TENM3: variants seen among roughly 807,000 people sequenced by gnomAD.
TENM3 encodes the protein teneurin-3.
Under a neutral mutation model 255.1 loss-of-function variants are expected in TENM3, and 63 were observed. That is an observed-to-expected ratio of 0.25 (90% confidence interval 0.20 to 0.30). The LOEUF (loss-of-function observed/expected upper bound fraction) is 0.30. Ranked by LOEUF, TENM3 falls within the 10% of genes least tolerant of loss-of-function variation. TENM3 has a pLI of 1.00. For missense variants in TENM3, 2,929 were observed against 3,461.1 expected, an observed-to-expected ratio of 0.85 and a Z score of 3.86; for synonymous variants, 1,306 against 1,322.3, an observed-to-expected ratio of 0.99 and a Z score of 0.27.
At chr4:181,888,494 G>GTACATATATATATA in the TENM3 span, among the ~76,000 whole-genome samples, 13 of 28,242 alleles carry the variant, frequency 4.6e-4, no homozygotes, top group Non-Finnish European at 7.2e-4. Context: ...ATAGAAATGT[G>GTACATATATATATA]TATATATATA....
At chr4:182,616,172 A>C (rs1749493060) in intron 4 of TENM3, among the ~76,000 whole-genome samples, 1 of 152,208 alleles carries the variant, frequency 6.6e-6, no homozygotes, top group Non-Finnish European at 1.5e-5. Context: ...GCAGTTCACA[A>C]GCCCTACCAA....
chr4:182,289,925 C>G (rs1761002025), intron 1 of TENM3, among the ~76,000 whole-genome samples: 1 of 152,190 alleles, frequency 6.6e-6, no homozygotes, highest in Non-Finnish European at 1.5e-5. Context: ...TTCCACCAAC[C>G]TGCCTTGCCA....
At chr4:181,977,740 A>G in the TENM3 span, among the ~76,000 whole-genome samples, 1 of 152,160 alleles carries the variant, frequency 6.6e-6, no homozygotes, top group Non-Finnish European at 1.5e-5. Flanking sequence ...CTAAGAAGAT[A>G]AAGGACTTTG....
At chr4:181,458,703 T>C in the TENM3 span, among the ~76,000 whole-genome samples, 1 of 151,988 alleles carries the variant, frequency 6.6e-6, no homozygotes, top group African/African-American at 2.4e-5. Context: ...TAATCTTCCA[T>C]AAAGATTTTC....
chr4:182,048,390 T>C, the TENM3 span, among the ~76,000 whole-genome samples: 16 of 152,322 alleles, frequency 1.1e-4, no homozygotes, highest in Admixed American at 8.5e-4. Context: ...ACCTCCTTAG[T>C]TCACCGATTT....
chr4:181,619,943 T>C, the TENM3 span, among the ~76,000 whole-genome samples: 1 of 152,196 alleles, frequency 6.6e-6, no homozygotes, highest in East Asian at 1.9e-4. Context: ...AACCTGGCAA[T>C]TGATTGGAGG....
intron 27 of TENM3, among the ~76,000 whole-genome samples, chr4:182,797,856 C>T (rs950300816): frequency 1.3e-5 from 2 of 152,154 alleles, no homozygotes; most frequent in Non-Finnish European, 2.9e-5. Context: ...AAGAGGCAGC[C>T]ATGGTTAACA....
the TENM3 span, among the ~76,000 whole-genome samples, chr4:182,044,624 G>A: frequency 1.3e-5 from 2 of 152,314 alleles, no homozygotes; most frequent in Admixed American, 1.3e-4. Flanking sequence ...TATGTGGTCT[G>A]TTTTCAAAAT....
intron 3 of TENM3, among the ~76,000 whole-genome samples, chr4:182,586,809 G>C (rs1746061985): frequency 6.6e-6 from 1 of 152,186 alleles, no homozygotes; most frequent in Non-Finnish European, 1.5e-5. Context: ...TTAAAAGACA[G>C]TAGGGACTCA....
chr4:182,644,502 TG>T (rs1752570779), intron 5 of TENM3, among the ~76,000 whole-genome samples: 1 of 152,116 alleles, frequency 6.6e-6, no homozygotes, highest in African/African-American at 2.4e-5. Context: ...TTTTATTTTA[TG>T]GGGAGGAGGT....
chr4:182,406,336 A>G (rs2151057731), intron 3 of TENM3, among the ~76,000 whole-genome samples: 1 of 152,256 alleles, frequency 6.6e-6, no homozygotes, highest in African/African-American at 2.4e-5. Flanking sequence ...ATAAAAAATA[A>G]GGCTTTTGCA....
rs1362907732 is a variant in TENM3, at chr4:182,202,524, C to G, written c.-76+57770C>G. Among the ~76,000 whole-genome samples the G allele has an allele frequency of 2.6e-5, 4 of 152,016 alleles. No homozygotes were observed. The East Asian group carries it at 7.8e-4, about 30-fold the overall frequency. On this transcript the variant is annotated intron_variant, in intron 1 of 2. Coordinates refer to the TENM3 transcript ENST00000512480. Reference sequence around the variant, plus strand: ...TTCTCCATGTTGGTCAGGCTGGTCTCGAACTCCTGACCTCAGGTCATCCAC... The same window carrying G: ...TTCTCCATGTTGGTCAGGCTGGTCTGGAACTCCTGACCTCAGGTCATCCAC...
intron 1 of TENM3, among the ~76,000 whole-genome samples, chr4:182,288,565 GGATA>G (rs1388097812): frequency 6.6e-6 from 1 of 152,198 alleles, no homozygotes; most frequent in African/African-American, 2.4e-5. Context: ...ATGAGTGGAT[GGATA>G]GATTTATTCA....
chr4:182,249,714 C>T (rs1469554892), intron 1 of TENM3, among the ~76,000 whole-genome samples: 1 of 152,058 alleles, frequency 6.6e-6, no homozygotes, highest in East Asian at 1.9e-4. Context: ...ATATTTTGAG[C>T]AATTGTGATG....
intron 1 of TENM3, among the ~76,000 whole-genome samples, chr4:182,267,034 A>G (rs1017200406): frequency 6.6e-6 from 1 of 152,212 alleles, no homozygotes; most frequent in Non-Finnish European, 1.5e-5. Flanking sequence ...GTAACATCAA[A>G]CTAAAGGAAA....
chr4:182,651,285 G>A (rs1363471799), intron 5 of TENM3, among the ~76,000 whole-genome samples: 1 of 151,982 alleles, frequency 6.6e-6, no homozygotes, highest in East Asian at 1.9e-4. Flanking sequence ...TAAGTGTTTA[G>A]CAAGTCAAAC....
intron 3 of TENM3, among the ~76,000 whole-genome samples, chr4:182,477,832 C>A (rs1733824933): frequency 1.3e-5 from 2 of 151,964 alleles, no homozygotes; most frequent in South Asian, 2.1e-4. Flanking sequence ...GTCTTTAAAT[C>A]ATATTTTTAA....
At chr4:181,777,689 A>G in the TENM3 span, among the ~76,000 whole-genome samples, 1 of 152,166 alleles carries the variant, frequency 6.6e-6, no homozygotes. Flanking sequence ...TCCTATTGCT[A>G]ATGTATTCAA....
chr4:182,433,113 G>A (rs1292626962), intron 3 of TENM3, among the ~76,000 whole-genome samples: 1 of 152,176 alleles, frequency 6.6e-6, no homozygotes, highest in African/African-American at 2.4e-5. Context: ...GATTGCATTA[G>A]CAGAGGTAGT....
Sources: gnomAD v4.1 joint callset for allele counts (sites outside exome capture counted in the v4.1 genomes callset) on GRCh38, gnomAD v4.1.1 for gene constraint, MANE v1.5 for transcripts, NCBI Gene and HGNC (gene_info 2026-07-23, HGNC 2026-07-21) for gene names.